The following GNG12 variants were observed in gnomAD, a reference collection of about 807,000 sequenced individuals.
GNG12 encodes G protein subunit gamma 12.
For missense variants in GNG12, 69 were observed against 83.8 expected, an observed-to-expected ratio of 0.82 and a Z score of 0.69; for synonymous variants, 28 against 29.7, an observed-to-expected ratio of 0.94 and a Z score of 0.19.
chr1:67,732,165 G>A (rs925677200), intron 2 of GNG12, among the ~76,000 whole-genome samples: 5 of 152,138 alleles, frequency 3.3e-5, no homozygotes, highest in African/African-American at 1.2e-4. Context: ...GACATCTAGA[G>A]GAAAAAAATG....
At chr1:67,712,851 C>CT (rs764489142) in intron 2 of GNG12, among the ~76,000 whole-genome samples, 1 of 145,614 alleles carries the variant, frequency 6.9e-6, no homozygotes, top group Non-Finnish European at 1.5e-5. Flanking sequence ...TTTTTCCCCT[C>CT]TTTTTTTGAG....
At chr1:67,790,500 A>G (rs1036567356) in intron 1 of GNG12, among the ~76,000 whole-genome samples, 21 of 152,086 alleles carry the variant, frequency 1.4e-4, no homozygotes, top group African/African-American at 5.1e-4. Context: ...CAAATCAGCC[A>G]CTTCTGTGCC....
chr1:67,707,312 C>T (rs1646255208), intron 3 of GNG12, among the ~76,000 whole-genome samples: 2 of 152,186 alleles, frequency 1.3e-5, no homozygotes, highest in African/African-American at 4.8e-5. Context: ...CTTTAGAACA[C>T]AGGGATCAAC....
intron 1 of GNG12, among the ~76,000 whole-genome samples, chr1:67,799,596 A>T (rs1381770175): frequency 6.6e-6 from 1 of 152,216 alleles, no homozygotes; most frequent in Non-Finnish European, 1.5e-5. Context: ...GTTCTATTAT[A>T]GTACTTCTCA....
chr1:67,743,206 C>G (rs1052572070), intron 2 of GNG12, among the ~76,000 whole-genome samples: 1 of 152,088 alleles, frequency 6.6e-6, no homozygotes, highest in African/African-American at 2.4e-5. Context: ...GTAGGGGCAG[C>G]TGGGTGAGAA....
At chr1:67,766,100 A>G (rs921293577) in intron 2 of GNG12, among the ~76,000 whole-genome samples, 26 of 133,604 alleles carry the variant, frequency 1.9e-4, no homozygotes, top group African/African-American at 8.4e-4. Flanking sequence ...AAAACAAGGC[A>G]CACACGCACA....
intron 2 of GNG12, among the ~76,000 whole-genome samples, chr1:67,768,150 C>T (rs1190874085): frequency 6.6e-6 from 1 of 152,222 alleles, no homozygotes; most frequent in Admixed American, 6.5e-5. Context: ...TCCTGTGAAC[C>T]ACACATAGTC....
At position 67,705,225 on chromosome 1, in the gene GNG12, T is replaced by C. The variant is rs760251491; in HGVS notation, c.*226A>G. The C allele has an allele frequency of 2.3e-5, 11 of 469,946 alleles. No individual in the cohort carries two copies. The highest frequency in any genetic ancestry group is 6.4e-4 in the Middle Eastern group (1 of 1,560). The allele number at this position is 469,946 out of a possible 1,614,324, so 29.1% of individuals were successfully genotyped here. On this transcript the variant is annotated 3_prime_UTR_variant, in exon 4 of 4. Coordinates refer to ENST00000370982, the MANE Select transcript of GNG12 (RefSeq NM_018841.6). ...TAAACAGTAACCCAACATAAAGCCA[T>C]AGTTACCAAGTGGAAAATAAGATTG...
chr1:67,832,380 T>G (rs1036652020), intron 1 of GNG12: 1 of 152,072 alleles, frequency 6.6e-6, no homozygotes, highest in Non-Finnish European at 1.5e-5. Context: ...TCAGTCCCAG[T>G]TGGGCAAAGT....
At chr1:67,820,966 C>T (rs2492875) in intron 1 of GNG12, among the ~76,000 whole-genome samples, 41,085 of 152,098 alleles carry the variant, frequency 0.27, 5,952 homozygotes, top group Admixed American at 0.34. Flanking sequence ...TCAATTATAA[C>T]AACAGTTAAC....
intron 2 of GNG12, among the ~76,000 whole-genome samples, chr1:67,713,802 CAG>C (rs1461652246): frequency 6.6e-6 from 1 of 152,186 alleles, no homozygotes; most frequent in East Asian, 1.9e-4. Context: ...AGGGGAGAAA[CAG>C]AAGCACCTTC....
chr1:67,813,936 T>C (rs1235202696), intron 1 of GNG12, among the ~76,000 whole-genome samples: 14 of 152,024 alleles, frequency 9.2e-5, no homozygotes, highest in African/African-American at 2.9e-4. Flanking sequence ...TATATAGTAG[T>C]ATATACACAC....
At chr1:67,833,179 G>A (rs1400366283) in intron 1 of GNG12, among the ~76,000 whole-genome samples, 165 bp downstream of exon 1, 1 of 151,428 alleles carries the variant, frequency 6.6e-6, no homozygotes. Context: ...CCTCCAGCAG[G>A]ACACTCTTCC....
intron 1 of GNG12, among the ~76,000 whole-genome samples, chr1:67,785,801 A>G (rs1374813354): frequency 2.0e-5 from 3 of 152,192 alleles, no homozygotes; most frequent in Non-Finnish European, 4.4e-5. Context: ...ACGATACTAA[A>G]CTACATTAAA....
At chr1:67,787,119 C>T (rs74081812) in intron 1 of GNG12, among the ~76,000 whole-genome samples, 1,545 of 148,872 alleles carry the variant, frequency 0.01, 22 homozygotes, top group African/African-American at 0.027. Flanking sequence ...AAACAACTCA[C>T]GAGGCCACCA....
intron 2 of GNG12, among the ~76,000 whole-genome samples, chr1:67,756,933 C>T (rs1646573184): frequency 2.0e-5 from 3 of 152,228 alleles, no homozygotes; most frequent in African/African-American, 7.2e-5. Flanking sequence ...GGTGGCCTGA[C>T]AGGGCCTGGA....
At chr1:67,738,694 T>G (rs1165652582) in intron 2 of GNG12, among the ~76,000 whole-genome samples, 1 of 152,142 alleles carries the variant, frequency 6.6e-6, no homozygotes, top group East Asian at 1.9e-4. Flanking sequence ...CTGGGCAACA[T>G]ACACAGAACC....
At chr1:67,747,154 C>G (rs1165897490) in intron 2 of GNG12, among the ~76,000 whole-genome samples, 1 of 152,192 alleles carries the variant, frequency 6.6e-6, no homozygotes, top group Non-Finnish European at 1.5e-5. Flanking sequence ...GACTCTTGCT[C>G]TGTTGCCCAG....
At chr1:67,726,934 A>ATGTCTGTTCTTGG (rs1553155088) in intron 2 of GNG12, among the ~76,000 whole-genome samples, 1 of 152,110 alleles carries the variant, frequency 6.6e-6, no homozygotes, top group Non-Finnish European at 1.5e-5. Context: ...TCCTCTTCTG[A>ATGTCTGTTCTTGG]TGTCTGTTCT....
Sources: allele counts gnomAD v4.1 joint callset (sites outside exome capture counted in the v4.1 genomes callset), GRCh38; gene constraint gnomAD v4.1.1; transcripts MANE v1.5; gene names NCBI Gene and HGNC (gene_info 2026-07-23, HGNC 2026-07-21).